Variants in RRM1 observed in about 807,000 individuals in gnomAD.
The protein encoded by RRM1 is ribonucleotide reductase catalytic subunit M1.
In RRM1, 19 loss-of-function variants were observed where a neutral mutation model predicts 101.5. That is an observed-to-expected ratio of 0.19 (90% confidence interval 0.13 to 0.27). The LOEUF is 0.27. Among genes scored for constraint, RRM1 ranks in the 10% least tolerant of loss-of-function variants. The probability of loss-of-function intolerance (pLI) is 1.00; values close to 1 mark genes in which losing one functional copy is unlikely to be tolerated. For synonymous variants in RRM1, 298 were observed against 323.4 expected, an observed-to-expected ratio of 0.92 and a Z score of 0.84; for missense variants, 500 against 962.9, an observed-to-expected ratio of 0.52 and a Z score of 6.36.
intron 12 of RRM1, among the ~76,000 whole-genome samples, chr11:4,125,528 C>T (rs1264876256): frequency 1.3e-5 from 2 of 152,188 alleles, no homozygotes; most frequent in African/African-American, 2.4e-5. Flanking sequence ...TTACTTTCCC[C>T]TTTGTTCACT....
chr11:4,099,075 A>G (rs185051126), intron 1 of RRM1, among the ~76,000 whole-genome samples: 156 of 152,318 alleles, frequency 1.0e-3, no homozygotes, highest in Admixed American at 2.7e-3. Flanking sequence ...GTCTTCCTGA[A>G]GAGAGAAGAA....
In RRM1 at chr11:4,102,073, G is replaced by C. The variant is rs778725233; in HGVS notation, c.100G>C (p.Val34Leu). 1 of 1,539,036 alleles carries C rather than the reference G, an allele frequency of 6.5e-7. No individual in the cohort carries two copies. The highest frequency in any genetic ancestry group is 9.0e-7 in the Non-Finnish European group (1 of 1,115,256). The change falls in exon 2 of 19, where the codon GTT becomes CTT. Residue 34 changes from valine (V) to leucine (L), a missense_variant. Transcript: ENST00000300738. Reference sequence around the variant, plus strand: ...TTGTTATGGACTCAATATGGATTTTGTTGATCCTGTAAGTAAATATGGTTT... The same window carrying C: ...TTGTTATGGACTCAATATGGATTTTCTTGATCCTGTAAGTAAATATGGTTT... ...KLCYGLNMDF[V>L]DPAQITMKVI...
intron 15 of RRM1, among the ~76,000 whole-genome samples, chr11:4,130,799 C>CA (rs1383321506): frequency 6.6e-6 from 1 of 152,132 alleles, no homozygotes; most frequent in Non-Finnish European, 1.5e-5. Context: ...TTATTATAGA[C>CA]AATTCCATAG....
At chr11:4,118,515 G>A in intron 8 of RRM1, 54 bp downstream of exon 8, 2 of 1,602,400 alleles carry the variant, frequency 1.2e-6, no homozygotes, top group Admixed American at 1.7e-5. Flanking sequence ...AAAGCAAACA[G>A]ATTCATGGTT....
In RRM1 at chr11:4,101,564, C is replaced by CCCCG. The variant is rs1554973353; in HGVS notation, c.20-426_20-425insGCCC. On this transcript the variant is annotated intron_variant, in intron 1 of 18. Coordinates refer to ENST00000300738, the MANE Select transcript of RRM1 (RefSeq NM_001033.5). ...CCTGACCTCCAGTGATCCACACCCC[C>CCCCG]CCCCGCTCCCTTGGCCTCCCAAAGT... 3.5e-5 allele frequency among the ~76,000 whole-genome samples: 4 copies of CCCCG among 114,880 alleles called. No individual in the cohort carries two copies. In the East Asian group the frequency reaches 8.6e-4, roughly 25 times the overall value. 75.4% of individuals were successfully genotyped at this position (114,880 alleles called of 152,430 possible).
At chr11:4,121,296 T>C (rs1484453633) in intron 9 of RRM1, among the ~76,000 whole-genome samples, 1 of 152,224 alleles carries the variant, frequency 6.6e-6, no homozygotes, top group Non-Finnish European at 1.5e-5. Context: ...GTACATGTCA[T>C]GTGGTGTAAA....
In RRM1 at chr11:4,094,848, G is replaced by C. The variant is rs1043180101; in HGVS notation, c.-165G>C. 3.4e-5 allele frequency: 23 copies of C among 680,448 alleles called. 1 individual carries two copies. Among genetic ancestry groups the C allele is most frequent in the Non-Finnish European group, 5.6e-5 (22 of 390,942 alleles). The allele number at this position is 680,448 out of a possible 1,614,324, so 42.2% of individuals were successfully genotyped here. On this transcript the variant is annotated 5_prime_UTR_variant, in exon 1 of 19. Coordinates refer to ENST00000300738, the MANE Select transcript of RRM1 (RefSeq NM_001033.5). ...GCGCGGGAAGGGGATTTGGATTGTT[G>C]CGCCTCTGCTCTGAAGAAAGTGCTG...
chr11:4,135,208 A>G lies in RRM1; in HGVS notation c.2128A>G (p.Ile710Val), dbSNP rs369353477. The G allele has an allele frequency of 1.0e-4, 166 of 1,613,766 alleles. No individual in the cohort carries two copies. Among genetic ancestry groups the G allele is most frequent in the Non-Finnish European group, 1.4e-4 (165 of 1,179,862 alleles). Residue 710 changes from isoleucine (I) to valine (V), a missense_variant, in exon 18 of 19, where the codon ATC (isoleucine) becomes GTC (valine). Around this residue, in one of 9 missense-constraint regions of RRM1, gnomAD observed 79 missense variants for 176.4 expected, o/e 0.45. Coordinates refer to ENST00000300738, the MANE Select transcript of RRM1 (RefSeq NM_001033.5). Reference sequence around the variant, plus strand: ...CATTGATCAAAGCCAATCTTTGAACATCCACATTGCTGAGCCTAACTATGG... The same window carrying G: ...CATTGATCAAAGCCAATCTTTGAACGTCCACATTGCTGAGCCTAACTATGG... ...AFIDQSQSLNIHIAEPNYGKL... is the reference protein window; with the variant it reads ...AFIDQSQSLNVHIAEPNYGKL...
rs192418144 is a variant in RRM1 at position 4,120,282 on chromosome 11, A to G, written c.876+354A>G. 4.2e-3 allele frequency among the ~76,000 whole-genome samples: 633 copies of G among 152,218 alleles called. 5 individuals are homozygous for G. Among genetic ancestry groups the G allele is most frequent in the African/African-American group, 0.014 (601 of 41,526 alleles). On this transcript the variant is annotated intron_variant, in intron 9 of 18. Coordinates refer to ENST00000300738, the MANE Select transcript of RRM1 (RefSeq NM_001033.5). The stretch of plus-strand genomic sequence containing the variant: ...CCACTGATCTATTCAGCTTTCTTAC[A>G]TGATAGTTCGTTTGCAAAGAATTTC...
At chr11:4,118,568 A>C in intron 8 of RRM1, 107 bp downstream of exon 8, 1 of 1,076,334 alleles carries the variant, frequency 9.3e-7, no homozygotes, top group Non-Finnish European at 1.4e-6. Flanking sequence ...GGTCTCTGTT[A>C]AATTACTAAA....
In RRM1 at chr11:4,135,285, T is replaced by G. The variant is rs1295378687; in HGVS notation, c.2190+15T>G. ...GCTGGAAGCAGGTTGGTAGAGAATA[T>G]CAAGGAGTACTTAATTGCCAGCTTG... On this transcript the variant is annotated intron_variant, in intron 18 of 18. Coordinates refer to ENST00000300738, the MANE Select transcript of RRM1 (RefSeq NM_001033.5). 8 of 1,567,290 alleles carry G rather than the reference T, an allele frequency of 5.1e-6. No homozygotes were observed. The highest frequency in any genetic ancestry group is 7.0e-6 in the Non-Finnish European group (8 of 1,150,234).
chr11:4,102,530 C>T (rs931309754), intron 2 of RRM1, among the ~76,000 whole-genome samples: 2 of 151,782 alleles, frequency 1.3e-5, no homozygotes, highest in Admixed American at 6.6e-5. Context: ...TGGTGGTGGG[C>T]GCCTGTAATC....
At chr11:4,119,951 A>G (rs2094579130) in intron 9 of RRM1, 23 bp downstream of exon 9, 4 of 1,391,194 alleles carry the variant, frequency 2.9e-6, no homozygotes, top group Non-Finnish European at 4.1e-6. Flanking sequence ...AATTGAAAGT[A>G]CTGGAAATCA....
intron 11 of RRM1, 51 bp downstream of exon 11, chr11:4,122,271 T>A: frequency 7.8e-7 from 1 of 1,288,374 alleles, no homozygotes; most frequent in Non-Finnish European, 1.1e-6. Context: ...ATGGTTTCTC[T>A]TATTTCAGGG....
At chr11:4,121,344 T>C (rs1184688712) in intron 9 of RRM1, among the ~76,000 whole-genome samples, 1 of 152,236 alleles carries the variant, frequency 6.6e-6, no homozygotes, top group African/African-American at 2.4e-5. Context: ...GCTCCATCTG[T>C]AGTTCATCAT....
Position 4,132,792 on chromosome 11 carries a change from A to G in RRM1, c.1905+371A>G, listed in dbSNP as rs1269681584. Among the ~76,000 whole-genome samples, 1 of 152,160 alleles carries G rather than the reference A, an allele frequency of 6.6e-6. No individual in the cohort carries two copies. The highest frequency in any genetic ancestry group is 2.4e-5 in the African/African-American group (1 of 41,432). ...AAGGCAGTGGTTCTCAGACTTGGTTACCAATTAGAATTTATGGTGGGTGAG... is the reference window on the plus strand; with the variant it reads ...AAGGCAGTGGTTCTCAGACTTGGTTGCCAATTAGAATTTATGGTGGGTGAG... On this transcript the variant is annotated intron_variant, in intron 16 of 18. Coordinates refer to ENST00000300738, the MANE Select transcript of RRM1 (RefSeq NM_001033.5). This position sits in a 1 kb window ranked among gnomAD's most constrained non-coding sequence, Gnocchi z 4.1.
chr11:4,095,091 G>C lies in RRM1; in HGVS notation c.19+60G>C, dbSNP rs1050573125. 169 of 1,538,628 alleles carry C rather than the reference G, an allele frequency of 1.1e-4. 2 individuals are homozygous for C. The South Asian group carries it at 1.6e-3, about 15-fold the overall frequency. On this transcript the variant is annotated intron_variant, in intron 1 of 18. Coordinates refer to ENST00000300738, the MANE Select transcript of RRM1 (RefSeq NM_001033.5). ...GAGGGGATGCGGGCTGCCGCCGCCGGAGCTGATGCCCAGACCGCCCGCCCG... is the reference window on the plus strand; with the variant it reads ...GAGGGGATGCGGGCTGCCGCCGCCGCAGCTGATGCCCAGACCGCCCGCCCG...
intron 8 of RRM1, 178 bp from the exon 9 acceptor site, chr11:4,119,667 A>C (rs913168464): frequency 3.5e-6 from 2 of 577,010 alleles, no homozygotes; most frequent in Non-Finnish European, 6.1e-6. Flanking sequence ...AATTTATTCA[A>C]CATTTTGTTG....
chr11:4,135,815 T>C (rs1236757869), intron 18 of RRM1, among the ~76,000 whole-genome samples: 3 of 151,770 alleles, frequency 2.0e-5, no homozygotes, highest in African/African-American at 7.3e-5. Context: ...TATTCCCTGA[T>C]AATGTATTGG....
Sources: allele counts gnomAD v4.1 joint callset (sites outside exome capture counted in the v4.1 genomes callset), GRCh38; gene constraint gnomAD v4.1.1; regional missense constraint gnomAD v4.1.1; non-coding constraint Gnocchi (gnomAD v3.1); transcripts MANE v1.5; gene names NCBI Gene and HGNC (gene_info 2026-07-23, HGNC 2026-07-21).